Variants in ATE1 observed in about 807,000 individuals in gnomAD.
ATE1 encodes arginyl-tRNA--protein transferase 1.
ATE1 carries 36 observed loss-of-function variants against 70.5 expected under a neutral mutation model. The observed-to-expected ratio is 0.51, with a 90% CI of 0.39 to 0.67. The LOEUF (loss-of-function observed/expected upper bound fraction) is 0.67, where lower values mean the gene tolerates loss of function less well. Among genes scored for constraint, ATE1 ranks in the 30% least tolerant of loss-of-function variants. The pLI, the probability that ATE1 is intolerant of heterozygous loss-of-function variation, is 0.00. For missense variants in ATE1, 593 were observed against 629.5 expected (o/e 0.94, Z 0.62); for synonymous variants, 232 against 219.3 (o/e 1.06, Z -0.51).
At chr10:121,914,069 AT>A (rs375211977) in intron 3 of ATE1, among the ~76,000 whole-genome samples, 176 bp from the exon 4 acceptor site, 73 of 149,858 alleles carry the variant, frequency 4.9e-4, no homozygotes, top group Middle Eastern at 6.9e-3. Flanking sequence ...TAGTTAAGAG[AT>A]TTTTTTTTTC....
chr10:121,904,822 A>C (rs1255220287), intron 5 of ATE1, among the ~76,000 whole-genome samples: 4 of 152,178 alleles, frequency 2.6e-5, no homozygotes, highest in Non-Finnish European at 4.4e-5. Flanking sequence ...AACCAATCTG[A>C]TGAGAAAATA....
chr10:121,793,391 C>T (rs1364841768), intron 10 of ATE1, among the ~76,000 whole-genome samples: 1 of 152,268 alleles, frequency 6.6e-6, no homozygotes, highest in Middle Eastern at 3.4e-3. Flanking sequence ...GGATAAATTC[C>T]TTCAACTGGG....
intron 11 of ATE1, among the ~76,000 whole-genome samples, chr10:121,772,682 A>G (rs1404694882): frequency 6.6e-6 from 1 of 152,204 alleles, no homozygotes; most frequent in Admixed American, 6.5e-5. Flanking sequence ...CTAAAGCTCA[A>G]CTGATGATTT....
chr10:121,822,972 G>A, intron 10 of ATE1, among the ~76,000 whole-genome samples: 1 of 152,088 alleles, frequency 6.6e-6, no homozygotes, highest in East Asian at 1.9e-4. Flanking sequence ...AGTCCAAGGA[G>A]AACTACAGAT....
intron 9 of ATE1, among the ~76,000 whole-genome samples, chr10:121,840,430 C>T (rs180890219): frequency 1.4e-3 from 209 of 152,064 alleles, no homozygotes; most frequent in Non-Finnish European, 2.3e-3. Flanking sequence ...CCCAGGAGTT[C>T]GAGACCAACC....
At position 121,832,696 on chromosome 10, in the gene ATE1, T is replaced by C. The variant is rs538663597; in HGVS notation, c.1257+4022A>G. 3.3e-5 allele frequency among the ~76,000 whole-genome samples: 5 copies of C among 152,258 alleles called. No individual in the cohort carries two copies. In the South Asian group the frequency reaches 1.0e-3, roughly 32 times the overall value. ...CTGAGGCCTCTCCAGCCATGTGGAGTTGTAAGTCCAATTAAACCTCTTTTT... is the reference window on the plus strand; with the variant it reads ...CTGAGGCCTCTCCAGCCATGTGGAGCTGTAAGTCCAATTAAACCTCTTTTT... On this transcript the variant is annotated intron_variant, in intron 10 of 11. Transcript: ENST00000224652.
Position 121,812,250 on chromosome 10 carries a change from C to G in ATE1, c.1258-21961G>C, listed in dbSNP as rs561077750. 6.6e-5 allele frequency among the ~76,000 whole-genome samples: 10 copies of G among 152,282 alleles called. No individual in the cohort carries two copies. In the East Asian group the frequency reaches 1.9e-3, roughly 29 times the overall value. On this transcript the variant is annotated intron_variant, in intron 10 of 11. Coordinates refer to ENST00000224652, the MANE Select transcript of ATE1 (RefSeq NM_001001976.3). ...ACATTACAGGCATGAGCCACTGCACCTGGCCCAAATTCTTAACTAAAATAT... is the reference window on the plus strand; with the variant it reads ...ACATTACAGGCATGAGCCACTGCACGTGGCCCAAATTCTTAACTAAAATAT...
At position 121,841,229 on chromosome 10, in the gene ATE1, T is replaced by C. The variant is rs1948617295; in HGVS notation, c.1010A>G (p.Tyr337Cys). 1.3e-6 allele frequency: 2 copies of C among 1,554,436 alleles called. No homozygotes were observed. Among genetic ancestry groups the C allele is most frequent in the African/African-American group, 1.4e-5 (1 of 73,878 alleles). The change falls in exon 9 of 12, where the codon TAT becomes TGT. Residue 337 changes from tyrosine to cysteine, a missense_variant. Tyr to Cys is a radical substitution (Grantham distance 194). Coordinates refer to ENST00000224652, the MANE Select transcript of ATE1 (RefSeq NM_001001976.3). ...CCAGTACTGCTGGTGAAAGGAGCCA[T>C]AGCCACAATCTGGCCCATTAGGGGG... ...ETPPNGPDCG[Y>C]GSFHQQYWLD...
intron 7 of ATE1, among the ~76,000 whole-genome samples, chr10:121,881,331 C>T (rs1038607437): frequency 1.1e-4 from 16 of 151,926 alleles, no homozygotes; most frequent in Admixed American, 8.5e-4. Flanking sequence ...GTTAGTGTAA[C>T]GAGCACAAAG....
At chr10:121,838,302 G>A (rs7095228) in intron 9 of ATE1, among the ~76,000 whole-genome samples, 1 of 151,424 alleles carries the variant, frequency 6.6e-6, no homozygotes, top group African/African-American at 2.4e-5. Flanking sequence ...TTCCACCTGC[G>A]TCCTTCTCAC....
At chr10:121,898,212 C>A (rs1320764895) in intron 7 of ATE1, among the ~76,000 whole-genome samples, 1 of 152,076 alleles carries the variant, frequency 6.6e-6, no homozygotes, top group Non-Finnish European at 1.5e-5. Context: ...ACAGAAGGTC[C>A]CCAACTTATA....
intron 8 of ATE1, among the ~76,000 whole-genome samples, chr10:121,858,892 T>C (rs2133937032): frequency 6.6e-6 from 1 of 151,920 alleles, no homozygotes; most frequent in African/African-American, 2.4e-5. Flanking sequence ...GGTCGGGAGT[T>C]CGAGACCAGC....
At chr10:121,853,633 T>C (rs1216362088) in intron 8 of ATE1, among the ~76,000 whole-genome samples, 2 of 152,058 alleles carry the variant, frequency 1.3e-5, no homozygotes, top group Non-Finnish European at 2.9e-5. Context: ...AATTATTAAA[T>C]AGAACAGATA....
chr10:121,905,518 A>AT (rs1385456883), intron 5 of ATE1, among the ~76,000 whole-genome samples: 1 of 152,102 alleles, frequency 6.6e-6, no homozygotes. Context: ...TTTGCTCTAC[A>AT]TTTATAAATA....
intron 8 of ATE1, among the ~76,000 whole-genome samples, chr10:121,847,963 C>T (rs552579310): frequency 6.6e-6 from 1 of 151,546 alleles, no homozygotes; most frequent in African/African-American, 2.4e-5. Context: ...CCCAGCTACT[C>T]GGGAGGCTGA....
At chr10:121,879,853 A>AG (rs892787631) in intron 7 of ATE1, among the ~76,000 whole-genome samples, 29 of 152,334 alleles carry the variant, frequency 1.9e-4, no homozygotes, top group African/African-American at 6.7e-4. Context: ...AGCTTCCTGC[A>AG]GAAAAACTTC....
chr10:121,876,741 C>T (rs1028476380), intron 7 of ATE1, among the ~76,000 whole-genome samples: 5 of 151,870 alleles, frequency 3.3e-5, no homozygotes, highest in Non-Finnish European at 2.9e-5. Flanking sequence ...CCGAGGCGGG[C>T]GGATCACGAT....
intron 3 of ATE1, among the ~76,000 whole-genome samples, chr10:121,920,581 G>A (rs956121266): frequency 2.0e-5 from 3 of 149,852 alleles, no homozygotes; most frequent in Non-Finnish European, 4.4e-5. Context: ...GAATAAGAGA[G>A]AAGATTTTTC....
intron 9 of ATE1, 45 bp downstream of exon 9, chr10:121,841,037 A>G: frequency 7.4e-7 from 1 of 1,348,074 alleles, no homozygotes; most frequent in Non-Finnish European, 9.8e-7. Context: ...TAATTATTTG[A>G]AGTTCTATAT....
Sources: gnomAD v4.1 joint callset for allele counts (sites outside exome capture counted in the v4.1 genomes callset) on GRCh38, gnomAD v4.1.1 for gene constraint, MANE v1.5 for transcripts, NCBI Gene and HGNC (gene_info 2026-07-23, HGNC 2026-07-21) for gene names.